The following CEP85L variants were observed in gnomAD, a reference collection of about 807,000 sequenced individuals.
The protein encoded by CEP85L is centrosomal protein 85L, also known as centrosomal protein of 85 kDa-like.
In CEP85L, 60 loss-of-function variants were observed where a neutral mutation model predicts 100.3. That is an observed-to-expected ratio of 0.60 (90% CI 0.49 to 0.74). CEP85L has a LOEUF of 0.74. CEP85L is among the 30% of genes least tolerant of loss of function. The pLI, the probability that CEP85L is intolerant of heterozygous loss-of-function variation, is 0.00. For synonymous variants in CEP85L, 319 were observed against 322.7 expected (o/e 0.99, Z 0.12); for missense variants, 973 against 936.2 (o/e 1.04, Z -0.51).
intron 1 of CEP85L, among the ~76,000 whole-genome samples, chr6:118,680,306 C>CTTTTTTTTTT (rs57764027): frequency 1.8e-5 from 1 of 56,180 alleles, no homozygotes; most frequent in Non-Finnish European, 3.4e-5. Flanking sequence ...CTTGGTGTTG[C>CTTTTTTTTTT]TTTTTTTTTT....
chr6:118,695,309 A>C (rs953920946), intron 1 of CEP85L, among the ~76,000 whole-genome samples: 28 of 152,204 alleles, frequency 1.8e-4, no homozygotes, highest in African/African-American at 6.3e-4. Context: ...ATAATTTGCA[A>C]ATGGATCATT....
chr6:118,622,647 C>T (rs376438677), intron 2 of CEP85L, among the ~76,000 whole-genome samples: 19 of 152,350 alleles, frequency 1.2e-4, no homozygotes, highest in African/African-American at 4.6e-4. Context: ...ATACAGATAG[C>T]AGATATGCTT....
At chr6:118,626,289 G>A (rs184268195) in intron 2 of CEP85L, among the ~76,000 whole-genome samples, 7 of 152,246 alleles carry the variant, frequency 4.6e-5, no homozygotes, top group Non-Finnish European at 8.8e-5. Context: ...TATAAACAGC[G>A]AGAATTTTAG....
Position 118,600,300 on chromosome 6 carries a change from G to GGGGGTGTGTGTGTGTGTGT in CEP85L, c.232+32152_232+32153insACACACACACACACACCCC, listed in dbSNP as rs1562297733. Among the ~76,000 whole-genome samples, 17 of 52,244 alleles carry GGGGGTGTGTGTGTGTGTGT rather than the reference G, an allele frequency of 3.3e-4. 7 individuals are homozygous for GGGGGTGTGTGTGTGTGTGT. Among genetic ancestry groups the GGGGGTGTGTGTGTGTGTGT allele is most frequent in the Admixed American group, 8.3e-4 (4 of 4,838 alleles). 34.3% of individuals were successfully genotyped at this position (52,244 alleles called of 152,430 possible). Reference sequence around the variant, plus strand: ...CTGCCTGTCCCTGAGCCTTCCTGGGGGTGTGTGTGTGTGTGTGTGTGTGTG... The same window carrying GGGGGTGTGTGTGTGTGTGT: ...CTGCCTGTCCCTGAGCCTTCCTGGGGGGGGTGTGTGTGTGTGTGTGTGTGTGTGTGTGTGTGTGTGTGTG... On this transcript the variant is annotated intron_variant, in intron 2 of 12. Transcript: ENST00000368491.
intron 2 of CEP85L, among the ~76,000 whole-genome samples, chr6:118,603,772 T>A (rs1771979704): frequency 6.6e-6 from 1 of 152,236 alleles, no homozygotes; most frequent in Non-Finnish European, 1.5e-5. Context: ...TGTCATAATC[T>A]CCAAAGCTAT....
At chr6:118,545,328 G>A (rs1583017723) in intron 3 of CEP85L, among the ~76,000 whole-genome samples, 1 of 152,198 alleles carries the variant, frequency 6.6e-6, no homozygotes, top group African/African-American at 2.4e-5. Context: ...GGTGGCTCAC[G>A]CCTGTAATCC....
At chr6:118,672,611 C>T (rs545885534) in intron 1 of CEP85L, among the ~76,000 whole-genome samples, 1 of 152,046 alleles carries the variant, frequency 6.6e-6, no homozygotes, top group Non-Finnish European at 1.5e-5. Context: ...ACAAAAAATG[C>T]AAAACTTAGC....
chr6:118,567,249 GTATATATATA>G (rs57181233), intron 2 of CEP85L, among the ~76,000 whole-genome samples: 3 of 43,764 alleles, frequency 6.9e-5, no homozygotes, highest in Non-Finnish European at 8.9e-5. Context: ...GTGTGTGTGT[GTATATATATA>G]TATATATATA....
At chr6:118,673,517 T>C (rs1295611734) in intron 1 of CEP85L, among the ~76,000 whole-genome samples, 1 of 152,208 alleles carries the variant, frequency 6.6e-6, no homozygotes, top group African/African-American at 2.4e-5. Flanking sequence ...TTGCCCTTCA[T>C]ATAGACAGCG....
chr6:118,662,732 T>G (rs1776016520), intron 1 of CEP85L, among the ~76,000 whole-genome samples: 1 of 152,014 alleles, frequency 6.6e-6, no homozygotes, highest in African/African-American at 2.4e-5. Context: ...CATTAGTAAG[T>G]AAAGATTTAA....
intron 5 of CEP85L, among the ~76,000 whole-genome samples, chr6:118,495,545 TA>T (rs1203820803): frequency 6.6e-6 from 1 of 152,162 alleles, no homozygotes; most frequent in Non-Finnish European, 1.5e-5. Context: ...ACCATGAATT[TA>T]AATTTCCTGA....
At chr6:118,498,366 G>A (rs1469714091) in intron 5 of CEP85L, among the ~76,000 whole-genome samples, 3 of 151,980 alleles carry the variant, frequency 2.0e-5, no homozygotes, top group East Asian at 1.9e-4. Context: ...AATGATAAAA[G>A]ACAAAGTGTG....
intron 2 of CEP85L, among the ~76,000 whole-genome samples, chr6:118,625,573 A>T (rs1773735390): frequency 6.6e-6 from 1 of 152,152 alleles, no homozygotes; most frequent in Non-Finnish European, 1.5e-5. Context: ...GGCCCTCCAA[A>T]AACGAAGGGC....
intron 2 of CEP85L, among the ~76,000 whole-genome samples, chr6:118,583,271 G>A (rs1780674972): frequency 6.6e-6 from 1 of 152,174 alleles, no homozygotes; most frequent in African/African-American, 2.4e-5. Flanking sequence ...TCTGGAAATT[G>A]AAGGAAGGAA....
Position 118,509,390 on chromosome 6 carries a change from A to C in CEP85L, c.1257+1908T>G, listed in dbSNP as rs150071330. On this transcript the variant is annotated intron_variant, in intron 5 of 12. Coordinates refer to ENST00000368491, the MANE Select transcript of CEP85L (RefSeq NM_001042475.3). Reference sequence around the variant, plus strand: ...ACTACTTCCATAGTATAGAAATACCATTTTCAAATAACTGTACATTATTCT... The same window carrying C: ...ACTACTTCCATAGTATAGAAATACCCTTTTCAAATAACTGTACATTATTCT... Among the ~76,000 whole-genome samples the C allele has an allele frequency of 1.2e-4, 19 of 152,218 alleles. No homozygotes were observed. The East Asian group carries it at 3.3e-3, about 26-fold the overall frequency.
chr6:118,537,236 T>C (rs758225372), intron 3 of CEP85L, among the ~76,000 whole-genome samples: 22 of 152,126 alleles, frequency 1.4e-4, no homozygotes, highest in Non-Finnish European at 2.5e-4. Flanking sequence ...GACATGAACA[T>C]GCAATGTAAA....
intron 1 of CEP85L, among the ~76,000 whole-genome samples, chr6:118,650,033 T>A (rs796659447): frequency 7.2e-5 from 11 of 152,316 alleles, no homozygotes; most frequent in African/African-American, 2.4e-4. Flanking sequence ...GCAGAAAATA[T>A]TACCATCAAA....
intron 3 of CEP85L, among the ~76,000 whole-genome samples, chr6:118,530,902 AAATC>A: frequency 6.6e-6 from 1 of 152,262 alleles, no homozygotes; most frequent in East Asian, 1.9e-4. Context: ...TGGATAAGAA[AAATC>A]AATATTGTTA....
At chr6:118,542,919 A>AAAAAAAAAAAAAAC (rs1562245143) in intron 3 of CEP85L, among the ~76,000 whole-genome samples, 28 of 150,862 alleles carry the variant, frequency 1.9e-4, no homozygotes, top group African/African-American at 6.6e-4. Context: ...AAAAAAAAAA[A>AAAAAAAAAAAAAAC]AAAACAGGAT....
Sources: gnomAD v4.1 joint callset for allele counts (sites outside exome capture counted in the v4.1 genomes callset) on GRCh38, gnomAD v4.1.1 for gene constraint, MANE v1.5 for transcripts, NCBI Gene and HGNC (gene_info 2026-07-23, HGNC 2026-07-21) for gene names.